The following ASIP variants were observed in gnomAD, a reference collection of about 807,000 sequenced individuals.
ASIP encodes agouti-signaling protein.
In ASIP, 11 loss-of-function variants were observed where a neutral mutation model predicts 10.3. That is an observed-to-expected ratio of 1.07 (90% CI 0.68 to 1.78). The LOEUF (loss-of-function observed/expected upper bound fraction) is 1.78. ASIP is among the 40% of genes most tolerant of loss of function. The pLI is 0.00. For synonymous variants in ASIP, 70 were observed against 70.8 expected (o/e 0.99, Z 0.06); for missense variants, 180 against 169.2 (o/e 1.06, Z -0.35).
chr20:34,197,582 G>C (rs746594637), intron 1 of ASIP, among the ~76,000 whole-genome samples: 1 of 152,192 alleles, frequency 6.6e-6, no homozygotes, highest in Non-Finnish European at 1.5e-5. Flanking sequence ...AGTGACCACT[G>C]AGTGGGTATC....
chr20:34,206,815 C>T (rs1047921290), intron 1 of ASIP, among the ~76,000 whole-genome samples: 17 of 152,168 alleles, frequency 1.1e-4, no homozygotes, highest in African/African-American at 3.4e-4. Context: ...CTCCTGACCT[C>T]GTGATCCACC....
chr20:34,218,431 T>G (rs1251186815), intron 1 of ASIP, among the ~76,000 whole-genome samples: 1 of 152,198 alleles, frequency 6.6e-6, no homozygotes, highest in Non-Finnish European at 1.5e-5. Flanking sequence ...ATAGCCTTGT[T>G]CATTACTTTT....
chr20:34,269,332 T>C lies in ASIP; in HGVS notation c.*165T>C. On this transcript the variant is annotated 3_prime_UTR_variant, in exon 4 of 4. Coordinates refer to ENST00000374954, the MANE Select transcript of ASIP (RefSeq NM_001672.3). ...CTTGGGCTAAAATCGAAATACAATA[T>C]ATATAGGCTGCTCGAAGGTGTGCGG... 3.5e-6 allele frequency: 3 copies of C among 850,400 alleles called. No individual in the cohort carries two copies. The highest frequency in any genetic ancestry group is 5.0e-6 in the Non-Finnish European group (3 of 594,894). 52.7% of individuals were successfully genotyped at this position (850,400 alleles called of 1,614,324 possible). A position where few individuals can be genotyped will look rare whatever the true frequency, so the allele number is the denominator to read the frequency against.
At chr20:34,235,593 T>C (rs1440625634) in intron 1 of ASIP, among the ~76,000 whole-genome samples, 5 of 151,946 alleles carry the variant, frequency 3.3e-5, no homozygotes, top group African/African-American at 9.7e-5. Context: ...ATAACAATCA[T>C]GGCCAAAACA....
intron 1 of ASIP, among the ~76,000 whole-genome samples, chr20:34,197,518 T>C (rs2034866122): frequency 6.6e-6 from 1 of 152,114 alleles, no homozygotes. Context: ...TTATGTAAAA[T>C]TGCCTCCTTA....
chr20:34,187,395 A>G, the ASIP span, among the ~76,000 whole-genome samples: 3 of 152,154 alleles, frequency 2.0e-5, no homozygotes, highest in South Asian at 2.1e-4. Flanking sequence ...TTTGGCCTCT[A>G]AAGTTCTTCT....
intron 2 of ASIP, among the ~76,000 whole-genome samples, chr20:34,261,097 TCA>T (rs1353705287): frequency 1.3e-5 from 2 of 152,220 alleles, no homozygotes; most frequent in Non-Finnish European, 2.9e-5. Context: ...CTAGCACGGA[TCA>T]CACAGTTTTT....
intron 1 of ASIP, among the ~76,000 whole-genome samples, chr20:34,257,131 T>G (rs2035587267): frequency 6.6e-6 from 1 of 151,510 alleles, no homozygotes; most frequent in South Asian, 2.1e-4. Context: ...TCACCCAGGC[T>G]GGAGTGAAGT....
At chr20:34,223,122 C>T (rs1207138290) in intron 1 of ASIP, among the ~76,000 whole-genome samples, 1 of 151,432 alleles carries the variant, frequency 6.6e-6, no homozygotes, top group Non-Finnish European at 1.5e-5. Flanking sequence ...CTCTGCCTGG[C>T]TGCCCAGTCT....
At chr20:34,223,149 C>G (rs1322011502) in intron 1 of ASIP, among the ~76,000 whole-genome samples, 1 of 151,872 alleles carries the variant, frequency 6.6e-6, no homozygotes, top group Admixed American at 6.6e-5. Context: ...TGAGGAGCGT[C>G]TCCTCCTGGC....
intron 1 of ASIP, among the ~76,000 whole-genome samples, chr20:34,220,297 G>A (rs1209213392): frequency 1.3e-5 from 2 of 151,512 alleles, no homozygotes; most frequent in African/African-American, 4.8e-5. Flanking sequence ...AAGAGATTAA[G>A]TTAAAAGTAA....
upstream of ASIP, among the ~76,000 whole-genome samples, chr20:34,194,187 G>A (rs1314621423): frequency 6.6e-6 from 1 of 152,164 alleles, no homozygotes; most frequent in Non-Finnish European, 1.5e-5. Context: ...CTAGAAAGCA[G>A]TGCTGAGAGA....
intron 1 of ASIP, among the ~76,000 whole-genome samples, chr20:34,223,518 G>A (rs1474846770): frequency 2.5e-5 from 3 of 120,642 alleles, no homozygotes; most frequent in Admixed American, 1.5e-4. Flanking sequence ...CCCCCCGCCC[G>A]GCCAGCCGTG....
chr20:34,240,083 T>C (rs2035264422), upstream of ASIP, among the ~76,000 whole-genome samples: 1 of 152,148 alleles, frequency 6.6e-6, no homozygotes, highest in Non-Finnish European at 1.5e-5. Flanking sequence ...GGAGTTTTAT[T>C]AGAGAAATGT....
chr20:34,189,253 T>G, the ASIP span, among the ~76,000 whole-genome samples: 2 of 151,816 alleles, frequency 1.3e-5, no homozygotes, highest in African/African-American at 4.8e-5. Flanking sequence ...TTTGTTTTCT[T>G]TTTTTTGAGA....
intron 1 of ASIP, among the ~76,000 whole-genome samples, chr20:34,223,500 G>A (rs1270744910): frequency 2.0e-5 from 3 of 151,786 alleles, no homozygotes; most frequent in African/African-American, 7.3e-5. Flanking sequence ...GGGAGGTGGG[G>A]GGTCAGCCCC....
At chr20:34,199,669 T>C (rs1039396495) in intron 1 of ASIP, among the ~76,000 whole-genome samples, 2 of 152,208 alleles carry the variant, frequency 1.3e-5, no homozygotes, top group Non-Finnish European at 2.9e-5. Flanking sequence ...TTGTCTGACA[T>C]TTTTATTGAC....
chr20:34,256,382 C>T (rs2035569204), intron 1 of ASIP, among the ~76,000 whole-genome samples: 1 of 152,190 alleles, frequency 6.6e-6, no homozygotes, highest in Non-Finnish European at 1.5e-5. Flanking sequence ...TGTCTTGTGT[C>T]TTTATTTCTA....
At chr20:34,235,836 AGAAAGAAGGAAG>A (rs2035181135) in intron 1 of ASIP, among the ~76,000 whole-genome samples, 1 of 64,140 alleles carries the variant, frequency 1.6e-5, no homozygotes, top group Non-Finnish European at 2.5e-5. Context: ...AAAGAAAGAA[AGAAAGAAGGAAG>A]GAAGGAAGGA....
Sources: allele counts gnomAD v4.1 joint callset (sites outside exome capture counted in the v4.1 genomes callset), GRCh38; gene constraint gnomAD v4.1.1; transcripts MANE v1.5; gene names NCBI Gene and HGNC (gene_info 2026-07-23, HGNC 2026-07-21).